Variants in CDC20B observed in about 807,000 individuals in gnomAD.
CDC20B encodes the protein cell division cycle protein 20 homolog B.
A neutral mutation model predicts 64.1 loss-of-function variants in CDC20B; 58 were observed. The ratio of observed to expected loss-of-function variants is 0.90; its 90% CI spans 0.73 to 1.13. The LOEUF (loss-of-function observed/expected upper bound fraction) is 1.13. CDC20B is among the 50% of genes most tolerant of loss of function. The pLI is 0.00. For missense variants in CDC20B, 597 were observed against 633.0 expected, an observed-to-expected ratio of 0.94 and a Z score of 0.61; for synonymous variants, 243 against 230.6, an observed-to-expected ratio of 1.05 and a Z score of -0.49.
intron 5 of CDC20B, among the ~76,000 whole-genome samples, chr5:55,134,058 T>C (rs1428865713): frequency 1.3e-5 from 2 of 152,172 alleles, no homozygotes; most frequent in East Asian, 3.8e-4. Context: ...CAATATTTAG[T>C]TTTTTCAGAT....
chr5:55,153,109 TGTGCCTATA>T (rs1743714004), intron 2 of CDC20B, among the ~76,000 whole-genome samples: 2 of 151,682 alleles, frequency 1.3e-5, no homozygotes. Flanking sequence ...CACGGTGGTG[TGTGCCTATA>T]GTCCCAGCTG....
intron 11 of CDC20B, 135 bp downstream of exon 11, chr5:55,119,666 T>C: frequency 1.6e-6 from 1 of 615,260 alleles, no homozygotes; most frequent in South Asian, 2.0e-5. Context: ...GTAGGGTGGA[T>C]GTAGGACTTT....
At chr5:55,172,884 C>G (rs893044789) in intron 1 of CDC20B, 54 bp downstream of exon 1, 1 of 1,492,236 alleles carries the variant, frequency 6.7e-7, no homozygotes, top group African/African-American at 1.4e-5. Context: ...ATGAACGGGG[C>G]CTTCGGCCCC....
intron 2 of CDC20B, among the ~76,000 whole-genome samples, chr5:55,152,178 G>A (rs1158095780): frequency 1.3e-5 from 2 of 152,264 alleles, no homozygotes; most frequent in South Asian, 4.1e-4. Context: ...CTCTGGAGGA[G>A]GCCAGGCCCT....
chr5:55,161,377 T>C, intron 2 of CDC20B: 1 of 938,240 alleles, frequency 1.1e-6, no homozygotes, highest in South Asian at 1.7e-5. Context: ...AAAACTATCA[T>C]CAAAGAGCCA....
chr5:55,160,962 T>C, intron 2 of CDC20B: 1 of 1,583,310 alleles, frequency 6.3e-7, no homozygotes, highest in Non-Finnish European at 8.6e-7. Flanking sequence ...TTTGCTTCAC[T>C]TTCCGGTTGG....
At position 55,173,026 on chromosome 5, in the gene CDC20B, C is replaced by G. The variant is rs1408614264; in HGVS notation, c.-26G>C. On this transcript the variant is annotated 5_prime_UTR_variant, in exon 1 of 12. Transcript: ENST00000381375. The stretch of plus-strand genomic sequence containing the variant: ...CTCCGGCTGACTTCGCCCTGCCTGG[C>G]GTTTGGCCTCTCTGCTCGACTGCCT... 1.7e-5 allele frequency: 28 copies of G among 1,600,096 alleles called. No individual in the cohort carries two copies. Among genetic ancestry groups the G allele is most frequent in the Non-Finnish European group, 2.0e-5 (24 of 1,172,742 alleles).
At position 55,128,430 on chromosome 5, in the gene CDC20B, T is replaced by C; in HGVS notation, c.885A>G (p.Gly295=). 1.2e-6 allele frequency: 2 copies of C among 1,602,652 alleles called. No homozygotes were observed. Among genetic ancestry groups the C allele is most frequent in the Non-Finnish European group, 1.7e-6 (2 of 1,176,890 alleles). ...GTCLAVGTSE[G]EVQLWDVVTK... ...AAAAACTGGCCAGTACTTGCACTTC[T>C]CCCTCGCTGGTGCCAACTGCCAGGC... Residue 295 remains glycine (G), a synonymous_variant, in exon 7 of 12, where the codon GGA becomes GGG. Coordinates refer to ENST00000381375, the MANE Select transcript of CDC20B (RefSeq NM_001170402.1).
chr5:55,133,319 C>T, intron 6 of CDC20B, 93 bp downstream of exon 6: 2 of 564,666 alleles, frequency 3.5e-6, no homozygotes, highest in Non-Finnish European at 6.1e-6. Flanking sequence ...GACATAAAGG[C>T]CATCTGGTTT....
At chr5:55,122,155 T>C (rs1469380643) in intron 9 of CDC20B, among the ~76,000 whole-genome samples, 4 of 152,210 alleles carry the variant, frequency 2.6e-5, no homozygotes, top group Non-Finnish European at 5.9e-5. Flanking sequence ...GAACTTGTTA[T>C]TATAACTGTG....
intron 2 of CDC20B, among the ~76,000 whole-genome samples, chr5:55,155,107 AAAG>A: frequency 6.6e-6 from 1 of 152,340 alleles, no homozygotes; most frequent in South Asian, 2.1e-4. Flanking sequence ...AAAGTAAGAC[AAAG>A]AAGGGAAAAG....
Position 55,153,059 on chromosome 5 carries a change from C to T in CDC20B, c.127-6203G>A, listed in dbSNP as rs568109204. On this transcript the variant is annotated intron_variant, in intron 2 of 11. Coordinates refer to ENST00000381375, the MANE Select transcript of CDC20B (RefSeq NM_001170402.1). ...TTCAAGACCAGCCTCGACAATGTGG[C>T]GAAACCCCATCTGAACAAAAAATAC... 3.3e-5 allele frequency among the ~76,000 whole-genome samples: 5 copies of T among 151,708 alleles called. No individual in the cohort carries two copies. In the South Asian group the frequency reaches 1.0e-3, roughly 32 times the overall value.
At chr5:55,129,173 C>T (rs940334510) in intron 6 of CDC20B, among the ~76,000 whole-genome samples, 6 of 152,136 alleles carry the variant, frequency 3.9e-5, no homozygotes, top group Non-Finnish European at 7.3e-5. Flanking sequence ...TATTTCTTAT[C>T]AGTCAGAAAC....
chr5:55,169,012 TA>T (rs140714150), intron 2 of CDC20B, among the ~76,000 whole-genome samples: 13,662 of 152,204 alleles, frequency 0.09, 748 homozygotes, highest in East Asian at 0.26. Context: ...CTCTTTAATT[TA>T]AAAAAACTAA....
intron 11 of CDC20B, among the ~76,000 whole-genome samples, chr5:55,117,944 A>AT (rs1742662336): frequency 6.6e-6 from 1 of 151,978 alleles, no homozygotes; most frequent in Non-Finnish European, 1.5e-5. Context: ...GAGAAACCCC[A>AT]TCTCTACTAA....
At chr5:55,144,122 T>C (rs336075) in intron 3 of CDC20B, among the ~76,000 whole-genome samples, 21,179 of 152,160 alleles carry the variant, frequency 0.14, 1,748 homozygotes, top group South Asian at 0.26. Flanking sequence ...GAAAACATTA[T>C]GGGATGCTTG....
intron 2 of CDC20B, 73 bp from the exon 3 acceptor site, chr5:55,146,929 A>T: frequency 9.8e-7 from 1 of 1,023,634 alleles, no homozygotes; most frequent in Non-Finnish European, 1.5e-6. Context: ...CTATAAGAGA[A>T]TTACAAATGA....
chr5:55,133,159 C>T (rs951766946), intron 6 of CDC20B, among the ~76,000 whole-genome samples: 9 of 152,316 alleles, frequency 5.9e-5, no homozygotes, highest in African/African-American at 2.2e-4. Context: ...AATAGACCAT[C>T]ATTAGTACAA....
chr5:55,163,075 C>T (rs1185720772), intron 2 of CDC20B, among the ~76,000 whole-genome samples: 10 of 152,046 alleles, frequency 6.6e-5, no homozygotes, highest in African/African-American at 1.7e-4. Flanking sequence ...AAGCACGGAG[C>T]GTACATTAAT....
Sources: allele counts gnomAD v4.1 joint callset (sites outside exome capture counted in the v4.1 genomes callset), GRCh38; gene constraint gnomAD v4.1.1; transcripts MANE v1.5; gene names NCBI Gene and HGNC (gene_info 2026-07-23, HGNC 2026-07-21).